Variants in SLC39A12 observed in about 807,000 individuals in gnomAD.
SLC39A12 encodes zinc transporter ZIP12.
A neutral mutation model predicts 71.1 loss-of-function variants in SLC39A12; 63 were observed. The observed-to-expected ratio is 0.89, with a 90% confidence interval of 0.72 to 1.09. The LOEUF (loss-of-function observed/expected upper bound fraction) is 1.09. SLC39A12 is among the 50% of genes least tolerant of loss of function. The pLI is 0.00. For synonymous variants in SLC39A12, 351 were observed against 301.3 expected, an observed-to-expected ratio of 1.16 and a Z score of -1.71; for missense variants, 892 against 812.6, an observed-to-expected ratio of 1.10 and a Z score of -1.19.
chr10:18,039,416 C>G (rs1837156975), intron 12 of SLC39A12, among the ~76,000 whole-genome samples: 1 of 152,124 alleles, frequency 6.6e-6, no homozygotes, highest in Admixed American at 6.6e-5. Flanking sequence ...TTAAAAAATA[C>G]TGAAAACTAT....
intron 12 of SLC39A12, among the ~76,000 whole-genome samples, chr10:18,006,877 A>G (rs1742498991): frequency 6.6e-6 from 1 of 152,208 alleles, no homozygotes; most frequent in South Asian, 2.1e-4. Flanking sequence ...TGTGAACCAG[A>G]GGCAAGACTC....
chr10:17,981,255 GAGA>G, intron 5 of SLC39A12, 54 bp from the exon 6 acceptor site: 1 of 1,464,684 alleles, frequency 6.8e-7, no homozygotes, highest in Non-Finnish European at 9.3e-7. Flanking sequence ...ACAACTGGTG[GAGA>G]ATCTAGTTTA....
intron 4 of SLC39A12, among the ~76,000 whole-genome samples, chr10:17,969,305 C>G (rs1310422553): frequency 1.3e-5 from 2 of 152,134 alleles, no homozygotes; most frequent in Non-Finnish European, 2.9e-5. Flanking sequence ...GGTATATACC[C>G]AGTGGTGGGA....
In SLC39A12 at chr10:17,987,508, C is replaced by G. The variant is rs766451939; in HGVS notation, c.1126C>G (p.Leu376Val). ...CGGCTACAGCACGGTGGCTGTCACC[C>G]TTCTCACACTGGGCTCCATGCTGGG... ...KYGYSTVAVTLLTLGSMLGTA... is the reference protein window; with the variant it reads ...KYGYSTVAVTVLTLGSMLGTA... Residue 376 changes from leucine to valine, a missense_variant, in exon 7 of 13, where the codon CTT becomes GTT. Coordinates refer to ENST00000377369, the MANE Select transcript of SLC39A12 (RefSeq NM_001145195.2). 6.2e-7 allele frequency: 1 copy of G among 1,613,892 alleles called. No homozygotes were observed. Among genetic ancestry groups the G allele is most frequent in the East Asian group, 2.2e-5 (1 of 44,842 alleles).
Position 17,991,141 on chromosome 10 carries a change from T to C in SLC39A12, c.1270-10T>C, listed in dbSNP as rs200719205. The C allele has an allele frequency of 5.3e-3, 8,043 of 1,516,948 alleles. 5 individuals carry two copies. The highest frequency in any genetic ancestry group is 0.029 in the Admixed American group (1,143 of 39,084). The allele number at this position is 1,516,948 out of a possible 1,614,324, so 94.0% of individuals were successfully genotyped here. ...TCTCTCTGCCTTTTTTTTTTTTTTTTCCCCTGAAGGTTCTTGGTTTACATA... is the reference window on the plus strand; with the variant it reads ...TCTCTCTGCCTTTTTTTTTTTTTTTCCCCCTGAAGGTTCTTGGTTTACATA... On this transcript the variant is annotated splice_polypyrimidine_tract_variant and intron_variant, in intron 7 of 12. Coordinates refer to ENST00000377369, the MANE Select transcript of SLC39A12 (RefSeq NM_001145195.2).
intron 10 of SLC39A12, 80 bp downstream of exon 10, chr10:17,995,802 C>A: frequency 7.9e-7 from 1 of 1,268,672 alleles, no homozygotes; most frequent in Non-Finnish European, 1.1e-6. Flanking sequence ...AATGTCAAAA[C>A]TATATAGATA....
intron 11 of SLC39A12, 22 bp from the exon 12 acceptor site, chr10:18,003,149 T>C: frequency 6.2e-7 from 1 of 1,603,178 alleles, no homozygotes; most frequent in Non-Finnish European, 8.5e-7. Flanking sequence ...TAATTATATT[T>C]TCCTTTCCTC....
intron 12 of SLC39A12, among the ~76,000 whole-genome samples, chr10:18,039,677 A>G (rs1168511310): frequency 6.6e-6 from 1 of 152,146 alleles, no homozygotes; most frequent in Non-Finnish European, 1.5e-5. Flanking sequence ...ACAGTGAGCT[A>G]TGATCACATC....
intron 12 of SLC39A12, among the ~76,000 whole-genome samples, chr10:18,027,266 A>C (rs1208407128): frequency 6.6e-6 from 1 of 152,194 alleles, no homozygotes; most frequent in Non-Finnish European, 1.5e-5. Context: ...CCCTCAAGTA[A>C]GACAGCATGG....
intron 11 of SLC39A12, among the ~76,000 whole-genome samples, chr10:18,001,351 T>C: frequency 6.6e-6 from 1 of 152,016 alleles, no homozygotes; most frequent in East Asian, 1.9e-4. Flanking sequence ...CCCGTCTCTA[T>C]TAAAAACAAA....
At chr10:18,036,320 TC>T (rs1303545052) in intron 12 of SLC39A12, among the ~76,000 whole-genome samples, 1 of 152,048 alleles carries the variant, frequency 6.6e-6, no homozygotes, top group Non-Finnish European at 1.5e-5. Flanking sequence ...CGTAGGACCC[TC>T]CGAGCCAGGT....
Position 17,991,125 on chromosome 10 carries a change from CTTTTTT to C in SLC39A12, c.1270-15_1270-10del, listed in dbSNP as rs58262664. The C allele has an allele frequency of 9.6e-6, 13 of 1,359,574 alleles. No homozygotes were observed. The highest frequency in any genetic ancestry group is 1.7e-5 in the South Asian group (1 of 60,140). The allele number at this position is 1,359,574 out of a possible 1,614,324, so 84.2% of individuals were successfully genotyped here. A position where few individuals can be genotyped will look rare whatever the true frequency, so the allele number is the denominator to read the frequency against. On this transcript the variant is annotated intron_variant, in intron 7 of 12. Transcript: ENST00000377369. Reference sequence around the variant, plus strand: ...GACTTATCTCCATCTTTCTCTCTGCCTTTTTTTTTTTTTTTTCCCCTGAAGGTTCTT... The same window carrying C: ...GACTTATCTCCATCTTTCTCTCTGCCTTTTTTTTTTCCCCTGAAGGTTCTT...
chr10:17,983,620 A>G (rs1399834696), intron 6 of SLC39A12, among the ~76,000 whole-genome samples: 1 of 152,118 alleles, frequency 6.6e-6, no homozygotes, highest in Non-Finnish European at 1.5e-5. Flanking sequence ...CGTCTCTACT[A>G]AAAATACAAA....
At chr10:17,962,175 A>G (rs1373933367) in intron 3 of SLC39A12, among the ~76,000 whole-genome samples, 4 of 152,150 alleles carry the variant, frequency 2.6e-5, no homozygotes, top group African/African-American at 4.8e-5. Flanking sequence ...TTTTTGACCA[A>G]TTTCCAAGGA....
intron 9 of SLC39A12, among the ~76,000 whole-genome samples, chr10:17,993,985 G>A (rs925972655): frequency 1.3e-5 from 2 of 152,198 alleles, no homozygotes; most frequent in African/African-American, 2.4e-5. Context: ...AAATGAGGAG[G>A]CTATTCCTGA....
Position 17,987,461 on chromosome 10 carries a change from C to T in SLC39A12, c.1097-18C>T, listed in dbSNP as rs771802577. On this transcript the variant is annotated intron_variant, in intron 6 of 12. Coordinates refer to ENST00000377369, the MANE Select transcript of SLC39A12 (RefSeq NM_001145195.2). The stretch of plus-strand genomic sequence containing the variant: ...GGGCACTGGGCACTGACTGTGTTTA[C>T]GATCTCCTTTGACTTAGAATACGGC... 3.8e-5 allele frequency: 61 copies of T among 1,611,900 alleles called. No homozygotes were observed. The highest frequency in any genetic ancestry group is 2.0e-4 in the African/African-American group (15 of 74,896).
At chr10:18,023,496 A>T (rs2130879165) in intron 12 of SLC39A12, among the ~76,000 whole-genome samples, 1 of 152,134 alleles carries the variant, frequency 6.6e-6, no homozygotes, top group East Asian at 1.9e-4. Flanking sequence ...AGGGGCTGTC[A>T]GTTTCCTCTG....
At chr10:18,041,843 ACG>A (rs1035555010) in intron 12 of SLC39A12, among the ~76,000 whole-genome samples, 2 of 146,944 alleles carry the variant, frequency 1.4e-5, no homozygotes, top group African/African-American at 5.1e-5. Flanking sequence ...ACATATGTAT[ACG>A]TATATATATG....
chr10:17,958,068 T>C (rs1834593820), intron 2 of SLC39A12, among the ~76,000 whole-genome samples: 1 of 152,214 alleles, frequency 6.6e-6, no homozygotes, highest in Admixed American at 6.5e-5. Context: ...GTATGCCTTT[T>C]ATACACAGTT....
Sources: gnomAD v4.1 joint callset for allele counts (sites outside exome capture counted in the v4.1 genomes callset) on GRCh38, gnomAD v4.1.1 for gene constraint, MANE v1.5 for transcripts, NCBI Gene and HGNC (gene_info 2026-07-23, HGNC 2026-07-21) for gene names.